The following EPB41 variants were observed in gnomAD, a reference collection of about 807,000 sequenced individuals.
EPB41 encodes the protein protein 4.1.
EPB41 carries 65 observed loss-of-function variants against 108.0 expected under a neutral mutation model. That is an observed-to-expected ratio of 0.60 (90% CI 0.49 to 0.74). The LOEUF is 0.74. EPB41 is among the 30% of genes least tolerant of loss of function. The pLI is 0.00. For missense variants in EPB41, 875 were observed against 1,037.0 expected, an observed-to-expected ratio of 0.84 and a Z score of 2.15; for synonymous variants, 336 against 358.9, an observed-to-expected ratio of 0.94 and a Z score of 0.72.
At chr1:28,940,097 C>G (rs906624687) in intron 1 of EPB41, among the ~76,000 whole-genome samples, 3 of 152,168 alleles carry the variant, frequency 2.0e-5, no homozygotes, top group Non-Finnish European at 4.4e-5. Flanking sequence ...TCATTCATGA[C>G]TGTAACACTT....
intron 1 of EPB41, chr1:28,890,864 C>G (rs2090039499): frequency 1.0e-6 from 1 of 958,410 alleles, no homozygotes; most frequent in Non-Finnish European, 1.2e-6. Context: ...GAGCCTCCAC[C>G]CCACGGGTAC....
chr1:29,024,850 G>A (rs756987335), intron 7 of EPB41, among the ~76,000 whole-genome samples: 2 of 151,894 alleles, frequency 1.3e-5, no homozygotes, highest in Admixed American at 6.6e-5. Context: ...ATAATGGATC[G>A]CCGTGACCAG....
intron 17 of EPB41, among the ~76,000 whole-genome samples, chr1:29,098,930 G>A (rs555438839): frequency 6.6e-6 from 1 of 150,578 alleles, no homozygotes; most frequent in East Asian, 2.0e-4. Context: ...TCACCATGTT[G>A]GCCAGGCTAG....
chr1:29,096,547 A>T (rs1415868508), intron 16 of EPB41: 30 of 985,648 alleles, frequency 3.0e-5, no homozygotes, highest in Non-Finnish European at 3.5e-5. Flanking sequence ...AACAAAATGG[A>T]TCATTTCTTG....
At chr1:28,957,665 A>G (rs1032817821) in intron 1 of EPB41, among the ~76,000 whole-genome samples, 6 of 152,190 alleles carry the variant, frequency 3.9e-5, no homozygotes, top group Admixed American at 6.5e-5. Context: ...TTGGCCTCCC[A>G]AAGTGCCAGG....
rs61785234 is a variant in EPB41 at position 28,931,835 on chromosome 1, A to G, written c.-8+17067A>G. 1.1e-4 allele frequency among the ~76,000 whole-genome samples: 16 copies of G among 152,048 alleles called. 1 individual carries two copies. The highest frequency in any genetic ancestry group is 1.8e-4 in the Non-Finnish European group (12 of 67,998). On this transcript the variant is annotated intron_variant, in intron 1 of 20. Transcript: ENST00000343067. The stretch of plus-strand genomic sequence containing the variant: ...AGGCGTGAGCCACCGCGCCCGACCA[A>G]TGACTTTGTAATATTTTCAATAGAG...
chr1:28,987,704 G>A lies in EPB41; in HGVS notation c.267G>A (p.Arg89=), dbSNP rs1241379048. Residue 89 remains arginine, a synonymous_variant, in exon 2 of 21, where the codon AGG becomes AGA. Coordinates refer to ENST00000343067, the MANE Select transcript of EPB41 (RefSeq NM_001376013.1). The stretch of plus-strand genomic sequence containing the variant: ...GACTATTCTCCTCGTTTCTCAAAAG[G>A]CCCAAATCTCAGGTGTCCGAGGAAG... The part of the protein sequence containing the change: ...LSRLFSSFLK[R]PKSQVSEEEG... 4.3e-6 allele frequency: 7 copies of A among 1,614,048 alleles called. No individual in the cohort carries two copies. Among genetic ancestry groups the A allele is most frequent in the African/African-American group, 1.3e-5 (1 of 74,918 alleles).
upstream of EPB41, among the ~76,000 whole-genome samples, chr1:28,913,244 C>A (rs887215439): frequency 6.6e-6 from 1 of 151,954 alleles, no homozygotes; most frequent in South Asian, 2.1e-4. Context: ...GTCAGGAGAT[C>A]GAGACTAACA....
At chr1:28,949,797 T>G (rs1317617172) in intron 1 of EPB41, among the ~76,000 whole-genome samples, 3 of 152,012 alleles carry the variant, frequency 2.0e-5, no homozygotes, top group Non-Finnish European at 4.4e-5. Flanking sequence ...AGAGACGAGG[T>G]TCTACCATAT....
At chr1:28,892,334 T>C (rs2090206380) in intron 1 of EPB41, among the ~76,000 whole-genome samples, 1 of 152,146 alleles carries the variant, frequency 6.6e-6, no homozygotes, top group Non-Finnish European at 1.5e-5. Flanking sequence ...CCAGACGTGT[T>C]ACATGTATTG....
intron 17 of EPB41, among the ~76,000 whole-genome samples, chr1:29,106,165 C>T (rs940915946): frequency 1.2e-4 from 18 of 152,128 alleles, no homozygotes; most frequent in African/African-American, 4.3e-4. Flanking sequence ...TCAAGGAAAA[C>T]AGGCCCTGTA....
chr1:29,111,990 A>AAG (rs1669340544), intron 18 of EPB41, among the ~76,000 whole-genome samples: 2 of 152,084 alleles, frequency 1.3e-5, no homozygotes, highest in Admixed American at 6.5e-5. Context: ...AAAAAAAAAA[A>AAG]ACAAAGATTT....
chr1:28,930,702 C>T (rs959723352), intron 1 of EPB41, among the ~76,000 whole-genome samples: 4 of 152,064 alleles, frequency 2.6e-5, no homozygotes, highest in African/African-American at 9.7e-5. Context: ...CCAGGCTGGT[C>T]TCGAACTCCT....
rs1671472734 is a variant in EPB41, at chr1:29,119,222, C to T, written c.*2410C>T. ...ATGGGTGTCCTTCCAGGCCTCTTCC[C>T]CTTTCCTCCATCTCTGGCAACAGTT... is the stretch of plus-strand genomic sequence containing the variant. On this transcript the variant is annotated 3_prime_UTR_variant, in exon 21 of 21. Transcript: ENST00000343067. 6.6e-6 allele frequency: 1 copy of T among 152,646 alleles called. No individual in the cohort carries two copies. Among genetic ancestry groups the T allele is most frequent in the African/African-American group, 2.4e-5 (1 of 41,446 alleles). The allele number at this position is 152,646 out of a possible 1,614,324, so 9.5% of individuals were successfully genotyped here.
chr1:29,010,876 G>T (rs1392038932), intron 4 of EPB41, among the ~76,000 whole-genome samples: 2 of 152,186 alleles, frequency 1.3e-5, no homozygotes, highest in African/African-American at 4.8e-5. Context: ...ACTTTGGGAG[G>T]CCGAGCCGGG....
At chr1:28,971,157 C>CT (rs1012188921) in intron 1 of EPB41, among the ~76,000 whole-genome samples, 27 of 116,402 alleles carry the variant, frequency 2.3e-4, no homozygotes, top group African/African-American at 7.0e-4. Flanking sequence ...CGCATTTAAT[C>CT]TTTTTTTTTT....
intron 1 of EPB41, among the ~76,000 whole-genome samples, chr1:28,959,593 G>A (rs919758171): frequency 6.6e-6 from 1 of 152,152 alleles, no homozygotes; most frequent in East Asian, 1.9e-4. Flanking sequence ...GTTTGGAAGA[G>A]AAAACATTTA....
In EPB41 at chr1:28,971,763, C is replaced by T. The variant is rs574613796; in HGVS notation, c.-7-15668C>T. On this transcript the variant is annotated intron_variant, in intron 1 of 20. Coordinates refer to ENST00000343067, the MANE Select transcript of EPB41 (RefSeq NM_001376013.1). ...GTAGCCTATGAGGACATTAGCACTG[C>T]GTAGTAATTCAGGTTCATAATGATG... 1.4e-4 allele frequency among the ~76,000 whole-genome samples: 21 copies of T among 152,142 alleles called. No individual in the cohort carries two copies. In the South Asian group the frequency reaches 2.7e-3, roughly 20 times the overall value.
At chr1:29,082,594 C>T (rs1657162680) in intron 16 of EPB41, among the ~76,000 whole-genome samples, 2 of 152,150 alleles carry the variant, frequency 1.3e-5, no homozygotes, top group African/African-American at 4.8e-5. Context: ...ACCTTCATCC[C>T]TCCACCCCTA....
Sources: allele counts gnomAD v4.1 joint callset (sites outside exome capture counted in the v4.1 genomes callset), GRCh38; gene constraint gnomAD v4.1.1; transcripts MANE v1.5; gene names NCBI Gene and HGNC (gene_info 2026-07-23, HGNC 2026-07-21).